BMPR1B: variants seen among roughly 807,000 people sequenced by gnomAD.
BMPR1B encodes bone morphogenetic protein receptor type-1B.
Under a neutral mutation model 59.1 loss-of-function variants are expected in BMPR1B, and 12 were observed. The ratio of observed to expected loss-of-function variants is 0.20; its 90% confidence interval spans 0.13 to 0.33. The LOEUF is 0.33. Ranked by LOEUF, BMPR1B falls within the 10% of genes least tolerant of loss-of-function variation. The pLI is 1.00. For synonymous variants in BMPR1B, 237 were observed against 207.3 expected (o/e 1.14, Z -1.23); for missense variants, 550 against 610.9 (o/e 0.90, Z 1.05).
intron 10 of BMPR1B, among the ~76,000 whole-genome samples, chr4:95,136,833 C>A (rs965912743): frequency 6.6e-6 from 1 of 151,936 alleles, no homozygotes; most frequent in Non-Finnish European, 1.5e-5. Flanking sequence ...GCAGTCTTAT[C>A]AATTTTGTTG....
At chr4:94,893,461 G>A (rs561341924) in intron 2 of BMPR1B, among the ~76,000 whole-genome samples, 1 of 152,084 alleles carries the variant, frequency 6.6e-6, no homozygotes, top group African/African-American at 2.4e-5. Flanking sequence ...GAAGAAATAC[G>A]TGCATATGTT....
chr4:94,971,405 T>G (rs1281324296), intron 2 of BMPR1B, among the ~76,000 whole-genome samples: 1 of 152,116 alleles, frequency 6.6e-6, no homozygotes, highest in Non-Finnish European at 1.5e-5. Context: ...AATAGTTCGG[T>G]CTCATCATCT....
At chr4:94,763,423 G>A (rs1393004064) in intron 1 of BMPR1B, among the ~76,000 whole-genome samples, 2 of 152,178 alleles carry the variant, frequency 1.3e-5, no homozygotes, top group African/African-American at 4.8e-5. Flanking sequence ...CTCCTTTAGA[G>A]GCCAGTAGTT....
intron 2 of BMPR1B, among the ~76,000 whole-genome samples, chr4:94,916,056 G>T (rs192226636): frequency 6.6e-6 from 1 of 152,292 alleles, no homozygotes; most frequent in East Asian, 1.9e-4. Flanking sequence ...TCAAGCAAGT[G>T]CCAGACCCAC....
At chr4:94,822,622 G>A (rs569875763) in intron 1 of BMPR1B, among the ~76,000 whole-genome samples, 1 of 152,204 alleles carries the variant, frequency 6.6e-6, no homozygotes, top group East Asian at 1.9e-4. Flanking sequence ...CCCTGGACTG[G>A]GTGCTCCCTA....
intron 3 of BMPR1B, among the ~76,000 whole-genome samples, chr4:95,040,218 T>A (rs1188267913): frequency 6.6e-6 from 1 of 152,236 alleles, no homozygotes; most frequent in Non-Finnish European, 1.5e-5. Context: ...TCCAAATAGT[T>A]GAAAACAGAT....
chr4:95,058,739 G>A (rs1028198462), intron 3 of BMPR1B, among the ~76,000 whole-genome samples: 1 of 152,150 alleles, frequency 6.6e-6, no homozygotes, highest in Non-Finnish European at 1.5e-5. Context: ...CTTTGCTAAA[G>A]TGTTTACCTT....
chr4:95,060,281 A>G (rs988811123), intron 3 of BMPR1B, among the ~76,000 whole-genome samples: 2 of 152,224 alleles, frequency 1.3e-5, no homozygotes, highest in South Asian at 2.1e-4. Flanking sequence ...TTCTTTCCCT[A>G]CAGATAGAAC....
intron 1 of BMPR1B, among the ~76,000 whole-genome samples, chr4:94,788,755 A>C (rs1009332484): frequency 1.1e-4 from 17 of 152,170 alleles, no homozygotes; most frequent in African/African-American, 4.1e-4. Context: ...TTCATAAGAG[A>C]GTGCAAATTA....
chr4:94,930,910 A>G (rs988110741), intron 2 of BMPR1B, among the ~76,000 whole-genome samples: 5 of 152,112 alleles, frequency 3.3e-5, no homozygotes, highest in African/African-American at 1.2e-4. Context: ...TTTATTGACT[A>G]TTTAAAACTT....
chr4:94,984,452 A>G (rs1721277128), intron 2 of BMPR1B, among the ~76,000 whole-genome samples: 1 of 152,138 alleles, frequency 6.6e-6, no homozygotes, highest in Admixed American at 6.5e-5. Context: ...CCCTATGTAG[A>G]GGCCCTATTA....
At chr4:95,070,983 T>C (rs1023063212) in intron 3 of BMPR1B, among the ~76,000 whole-genome samples, 2 of 152,128 alleles carry the variant, frequency 1.3e-5, no homozygotes, top group Non-Finnish European at 2.9e-5. Flanking sequence ...CTTCCTTTAG[T>C]CACCAGAAAT....
At chr4:94,977,848 A>G (rs1731088836) in intron 2 of BMPR1B, among the ~76,000 whole-genome samples, 1 of 152,220 alleles carries the variant, frequency 6.6e-6, no homozygotes, top group Admixed American at 6.5e-5. Flanking sequence ...CAGAAGAAAA[A>G]GAAAAGAAGC....
At chr4:95,146,337 A>G (rs1560691583) in intron 10 of BMPR1B, among the ~76,000 whole-genome samples, 1 of 152,172 alleles carries the variant, frequency 6.6e-6, no homozygotes, top group Non-Finnish European at 1.5e-5. Flanking sequence ...GTTTGAGAAA[A>G]AGAATTTAGA....
Position 95,017,524 on chromosome 4 carries a change from C to T in BMPR1B, c.-18+21390C>T, listed in dbSNP as rs377156730. 3.9e-5 allele frequency among the ~76,000 whole-genome samples: 6 copies of T among 152,206 alleles called. No homozygotes were observed. In the South Asian group the frequency reaches 8.3e-4, roughly 21 times the overall value. ...AAACATTCAGTTCTTGGGCTTCACCCCAGTGTGCCACAAAGTTAGATGTTA... is the reference window on the plus strand; with the variant it reads ...AAACATTCAGTTCTTGGGCTTCACCTCAGTGTGCCACAAAGTTAGATGTTA... On this transcript the variant is annotated intron_variant, in intron 3 of 12. Coordinates refer to ENST00000515059, the MANE Select transcript of BMPR1B (RefSeq NM_001203.3).
At position 95,154,962 on chromosome 4, in the gene BMPR1B, C is replaced by CT. The variant is rs11436086; in HGVS notation, c.*302dup. The CT allele has an allele frequency of 0.11, 31,044 of 278,694 alleles. 612 individuals are homozygous for CT. The highest frequency in any genetic ancestry group is 0.18 in the East Asian group (2,327 of 12,872). The allele number at this position is 278,694 out of a possible 1,614,324, so 17.3% of individuals were successfully genotyped here. On this transcript the variant is annotated 3_prime_UTR_variant, in exon 13 of 13. Coordinates refer to ENST00000515059, the MANE Select transcript of BMPR1B (RefSeq NM_001203.3). ...AGAAAGCCCTGTATTTTGTGATTGC[C>CT]TTTTTTTTTTTTTAAGATGCTTTCA...
At chr4:94,835,745 T>A (rs901969912) in intron 1 of BMPR1B, among the ~76,000 whole-genome samples, 1 of 152,064 alleles carries the variant, frequency 6.6e-6, no homozygotes, top group Non-Finnish European at 1.5e-5. Context: ...CATTTAGGAG[T>A]TATCTAAATA....
chr4:94,790,249 G>A (rs1171733588), intron 1 of BMPR1B, among the ~76,000 whole-genome samples: 5 of 152,084 alleles, frequency 3.3e-5, no homozygotes, highest in East Asian at 1.9e-4. Flanking sequence ...AGAGTCAGTT[G>A]TACATATATT....
intron 1 of BMPR1B, among the ~76,000 whole-genome samples, chr4:94,846,273 A>G (rs1725321745): frequency 6.6e-6 from 1 of 152,222 alleles, no homozygotes; most frequent in Middle Eastern, 3.2e-3. Flanking sequence ...CAGAAGAATG[A>G]AACAAAATTC....
Sources: allele counts gnomAD v4.1 joint callset (sites outside exome capture counted in the v4.1 genomes callset), GRCh38; gene constraint gnomAD v4.1.1; transcripts MANE v1.5; gene names NCBI Gene and HGNC (gene_info 2026-07-23, HGNC 2026-07-21).